The following CAPS2 variants were observed in gnomAD, a reference collection of about 807,000 sequenced individuals.
CAPS2 encodes calcyphosine 2.
CAPS2 carries 98 observed loss-of-function variants against 86.5 expected under a neutral mutation model. The observed-to-expected ratio is 1.13, with a 90% CI of 0.96 to 1.34. The LOEUF is 1.34. Among genes scored for constraint, CAPS2 ranks in the 40% most tolerant of loss-of-function variants. The pLI is 0.00. For synonymous variants in CAPS2, 210 were observed against 225.1 expected (o/e 0.93, Z 0.60); for missense variants, 729 against 686.8 (o/e 1.06, Z -0.69).
intron 7 of CAPS2, among the ~76,000 whole-genome samples, chr12:75,308,972 G>C (rs1197381374): frequency 6.6e-6 from 1 of 150,834 alleles, no homozygotes; most frequent in Non-Finnish European, 1.5e-5. Flanking sequence ...AAACCTGTCA[G>C]GGGCAGCTCC....
At chr12:75,306,186 C>G in intron 7 of CAPS2, 1 of 794,116 alleles carries the variant, frequency 1.3e-6, no homozygotes, top group Non-Finnish European at 2.1e-6. Flanking sequence ...ACCGGCCCGG[C>G]CCCTACGTGG....
intron 1 of CAPS2, among the ~76,000 whole-genome samples, chr12:75,350,904 C>T (rs1284590111): frequency 6.6e-6 from 1 of 152,104 alleles, no homozygotes; most frequent in African/African-American, 2.4e-5. Flanking sequence ...CTTCACTGAG[C>T]TAAAGGAGTA....
chr12:75,367,101 A>G, intron 1 of CAPS2: 1 of 692,072 alleles, frequency 1.4e-6, no homozygotes. Flanking sequence ...TTTGGGGAGA[A>G]AACGTAATGG....
At chr12:75,384,154 T>G (rs7966006) in intron 1 of CAPS2, among the ~76,000 whole-genome samples, 4,065 of 151,786 alleles carry the variant, frequency 0.027, 177 homozygotes, top group African/African-American at 0.094. Flanking sequence ...GAAGAAATAA[T>G]AAAAATTTGA....
chr12:75,380,839 T>C (rs539505354), intron 1 of CAPS2, among the ~76,000 whole-genome samples: 3 of 152,150 alleles, frequency 2.0e-5, no homozygotes, highest in Non-Finnish European at 4.4e-5. Flanking sequence ...TACCAATATA[T>C]TGTTTGAGAG....
exon 4 of CAPS2, chr12:75,323,007 T>C (rs754914549): frequency 6.5e-7 from 1 of 1,548,416 alleles, no homozygotes; most frequent in South Asian, 1.2e-5. Flanking sequence ...TATATGGAGT[T>C]TGACATGGTG....
upstream of CAPS2, among the ~76,000 whole-genome samples, chr12:75,326,935 T>C (rs1484610472): frequency 6.6e-6 from 1 of 151,904 alleles, no homozygotes; most frequent in Admixed American, 6.6e-5. Context: ...CAGAGAGAGG[T>C]GAAGATGCTA....
chr12:75,289,554 G>C, intron 14 of CAPS2, 67 bp downstream of exon 14: 1 of 1,381,550 alleles, frequency 7.2e-7, no homozygotes, highest in Non-Finnish European at 9.9e-7. Context: ...AATTTCAGTA[G>C]AACAGTGAAT....
chr12:75,330,731 T>C (rs940002748), upstream of CAPS2, among the ~76,000 whole-genome samples: 2 of 151,846 alleles, frequency 1.3e-5, no homozygotes, highest in African/African-American at 4.8e-5. Flanking sequence ...AAATTTAAAA[T>C]GATGTGTGGA....
At chr12:75,358,502 A>T (rs868006928) in intron 1 of CAPS2, among the ~76,000 whole-genome samples, 5 of 151,262 alleles carry the variant, frequency 3.3e-5, no homozygotes, top group African/African-American at 9.7e-5. Flanking sequence ...CCAAACATTC[A>T]TTCCTGATGA....
chr12:75,363,547 A>G (rs1041063356), intron 1 of CAPS2, among the ~76,000 whole-genome samples: 1 of 152,184 alleles, frequency 6.6e-6, no homozygotes, highest in Non-Finnish European at 1.5e-5. Context: ...GTAATTTGTC[A>G]GTCAATGTCC....
chr12:75,385,833 T>C (rs2045261828), intron 1 of CAPS2, among the ~76,000 whole-genome samples: 4 of 152,170 alleles, frequency 2.6e-5, no homozygotes, highest in Admixed American at 2.6e-4. Context: ...GAATTTAAAA[T>C]TGGAAACATA....
At chr12:75,358,649 C>T (rs1263594394) in intron 1 of CAPS2, among the ~76,000 whole-genome samples, 1 of 148,944 alleles carries the variant, frequency 6.7e-6, no homozygotes, top group East Asian at 2.0e-4. Context: ...ATATGTTAGA[C>T]TTTGCATGCC....
chr12:75,337,175 C>A (rs1184579816), intron 1 of CAPS2, among the ~76,000 whole-genome samples: 2 of 151,576 alleles, frequency 1.3e-5, no homozygotes, highest in Non-Finnish European at 1.5e-5. Context: ...AAATCAAGAC[C>A]TATTCTTTCA....
intron 1 of CAPS2, among the ~76,000 whole-genome samples, chr12:75,383,776 G>A (rs150614885): frequency 6.6e-6 from 1 of 152,098 alleles, no homozygotes; most frequent in East Asian, 1.9e-4. Flanking sequence ...CTATATTCTG[G>A]ACCATAAAAC....
intron 1 of CAPS2, among the ~76,000 whole-genome samples, chr12:75,338,773 C>T (rs1182993914): frequency 6.6e-6 from 1 of 152,082 alleles, no homozygotes; most frequent in Non-Finnish European, 1.5e-5. Context: ...TGCCTACAGG[C>T]CCCAATGTGT....
intron 15 of CAPS2, 112 bp downstream of exon 15, chr12:75,284,849 A>G (rs1422823011): frequency 3.0e-5 from 30 of 998,826 alleles, no homozygotes; most frequent in South Asian, 4.0e-5. Context: ...TAAACCCAAC[A>G]TATAAGTAAA....
upstream of CAPS2, among the ~76,000 whole-genome samples, chr12:75,331,492 A>C (rs556336867): frequency 1.1e-4 from 17 of 152,248 alleles, no homozygotes; most frequent in East Asian, 3.3e-3. Flanking sequence ...TCTATCCATT[A>C]CCCCCACATA....
chr12:75,292,637 T>C (rs954436917), intron 12 of CAPS2, among the ~76,000 whole-genome samples: 2 of 147,174 alleles, frequency 1.4e-5, no homozygotes, highest in African/African-American at 4.9e-5. Flanking sequence ...TATGTATGTA[T>C]AGATCTATAC....
Sources: gnomAD v4.1 joint callset for allele counts (sites outside exome capture counted in the v4.1 genomes callset) on GRCh38, gnomAD v4.1.1 for gene constraint, MANE v1.5 for transcripts, NCBI Gene and HGNC (gene_info 2026-07-23, HGNC 2026-07-21) for gene names.